MLIP: variants seen among roughly 807,000 people sequenced by gnomAD.
MLIP encodes muscular LMNA interacting protein.
A neutral mutation model predicts 84.8 loss-of-function variants in MLIP; 79 were observed. The ratio of observed to expected loss-of-function variants is 0.93; its 90% CI spans 0.78 to 1.12. The LOEUF (loss-of-function observed/expected upper bound fraction) is 1.12. Among genes scored for constraint, MLIP ranks in the 50% most tolerant of loss-of-function variants. The probability of loss-of-function intolerance (pLI) is 0.00; values close to 1 mark genes in which losing one functional copy is unlikely to be tolerated. For synonymous variants in MLIP, 504 were observed against 463.0 expected (o/e 1.09, Z -1.14); for missense variants, 1,257 against 1,160.6 (o/e 1.08, Z -1.21).
chr6:54,132,684 A>G (rs943308221), intron 3 of MLIP, among the ~76,000 whole-genome samples: 1 of 152,200 alleles, frequency 6.6e-6, no homozygotes, highest in Admixed American at 6.5e-5. Flanking sequence ...ACACAAATCA[A>G]CCAACCAAAA....
At chr6:54,214,303 C>T (rs1402003872) in intron 11 of MLIP, among the ~76,000 whole-genome samples, 1 of 152,192 alleles carries the variant, frequency 6.6e-6, no homozygotes, top group East Asian at 1.9e-4. Context: ...CCATACCAGA[C>T]TAGCCACAGG....
chr6:54,239,180 C>T (rs1463527137), intron 12 of MLIP, among the ~76,000 whole-genome samples: 6 of 151,800 alleles, frequency 4.0e-5, no homozygotes, highest in Admixed American at 2.6e-4. Context: ...TCATCTCCTA[C>T]CTCTCCATTC....
intron 12 of MLIP, among the ~76,000 whole-genome samples, chr6:54,237,665 G>C (rs1341559343): frequency 2.1e-5 from 3 of 141,120 alleles, no homozygotes; most frequent in Non-Finnish European, 3.0e-5. Context: ...GGACGACATA[G>C]GGAGACTGTC....
In MLIP at chr6:54,124,737, A is replaced by G; in HGVS notation, c.517A>G (p.Lys173Glu). ...GATTGGCACCGCAGCTGTCCGGCCCAAGTCTCTAGCTATCTCGTCCAGTCT... is the reference window on the plus strand; with the variant it reads ...GATTGGCACCGCAGCTGTCCGGCCCGAGTCTCTAGCTATCTCGTCCAGTCT... ...GGIGTAAVRP[K>E]SLAISSSLVS... The change falls in exon 3 of 14, where the codon AAG becomes GAG. Residue 173 changes from lysine to glutamate, a missense_variant. Lys to Glu is a moderately conservative substitution (Grantham distance 56). Transcript: ENST00000502396. 1 of 1,614,206 alleles carries G rather than the reference A, an allele frequency of 6.2e-7. No individual in the cohort carries two copies. The highest frequency in any genetic ancestry group is 8.5e-7 in the Non-Finnish European group (1 of 1,180,020).
intron 1 of MLIP, among the ~76,000 whole-genome samples, chr6:54,098,330 C>CT (rs11418224): frequency 0.97 from 112,283 of 116,248 alleles, 54,465 homozygotes; most frequent in Admixed American, 0.98. Flanking sequence ...TTTTTAATTT[C>CT]TTTTTTTTTT....
upstream of MLIP, among the ~76,000 whole-genome samples, chr6:54,110,238 C>A (rs1279408792): frequency 6.6e-6 from 1 of 152,080 alleles, no homozygotes; most frequent in Non-Finnish European, 1.5e-5. Context: ...CCGCCTCGGC[C>A]TCCCAAAGTG....
chr6:54,034,804 A>T (rs896808206), intron 1 of MLIP, among the ~76,000 whole-genome samples: 1 of 152,208 alleles, frequency 6.6e-6, no homozygotes, highest in Non-Finnish European at 1.5e-5. Flanking sequence ...ACAGTAGTGT[A>T]GAGTAATGTC....
chr6:54,048,030 AC>A (rs1343101131), intron 1 of MLIP, among the ~76,000 whole-genome samples: 1 of 152,042 alleles, frequency 6.6e-6, no homozygotes, highest in East Asian at 1.9e-4. Context: ...AGTGCATAGG[AC>A]CCCTCTTTGA....
intron 11 of MLIP, among the ~76,000 whole-genome samples, chr6:54,205,227 C>T (rs1283382337): frequency 1.3e-5 from 2 of 152,222 alleles, no homozygotes; most frequent in Non-Finnish European, 2.9e-5. Context: ...AGCATTGCTA[C>T]TTCATCAGAA....
chr6:54,158,304 A>C lies in MLIP; in HGVS notation c.2290-2063A>C, dbSNP rs1774255149. On this transcript the variant is annotated intron_variant, in intron 5 of 13. Coordinates refer to ENST00000502396, the MANE Select transcript of MLIP (RefSeq NM_001281747.2). Reference sequence around the variant, plus strand: ...GAGAAGGGAACCTGTAATTCTAAAAAGTTATATAATACATGACAATAGAGA... The same window carrying C: ...GAGAAGGGAACCTGTAATTCTAAAACGTTATATAATACATGACAATAGAGA... 2.0e-5 allele frequency among the ~76,000 whole-genome samples: 3 copies of C among 152,260 alleles called. No individual in the cohort carries two copies. The South Asian group carries it at 6.2e-4, about 32-fold the overall frequency.
chr6:54,124,987 T>A (rs1175407181), intron 3 of MLIP, 122 bp downstream of exon 3: 6 of 742,170 alleles, frequency 8.1e-6, no homozygotes, highest in Non-Finnish European at 1.0e-5. Flanking sequence ...AAAATATATT[T>A]AAAAAACCAT....
At chr6:54,187,503 G>T (rs1351200390) in intron 9 of MLIP, among the ~76,000 whole-genome samples, 1 of 151,996 alleles carries the variant, frequency 6.6e-6, no homozygotes, top group East Asian at 1.9e-4. Flanking sequence ...CTTTGAAAAA[G>T]AACCAAGTAA....
At chr6:54,257,501 C>A in intron 13 of MLIP, 140 bp downstream of exon 13, 1 of 616,126 alleles carries the variant, frequency 1.6e-6, no homozygotes, top group Non-Finnish European at 2.8e-6. Context: ...TTCACTCTGT[C>A]AGTCACAAGG....
rs964708740 is a variant in MLIP at position 54,050,628 on chromosome 6, T to C, written c.63+31537T>C. On this transcript the variant is annotated intron_variant, in intron 1 of 12. Coordinates refer to the MLIP transcript ENST00000274897. The stretch of plus-strand genomic sequence containing the variant: ...TCCATTTTTCCTAATATAATCATTG[T>C]TTGATTGCATATCTTTATAGCTAAA... 1.6e-4 allele frequency among the ~76,000 whole-genome samples: 25 copies of C among 152,194 alleles called. 1 individual carries two copies. The highest frequency in any genetic ancestry group is 5.8e-4 in the African/African-American group (24 of 41,464).
At chr6:54,243,390 G>A (rs1156843752) in intron 12 of MLIP, among the ~76,000 whole-genome samples, 1 of 152,116 alleles carries the variant, frequency 6.6e-6, no homozygotes, top group Non-Finnish European at 1.5e-5. Context: ...ATAATGTGAA[G>A]TTAGCATCAA....
intron 11 of MLIP, among the ~76,000 whole-genome samples, chr6:54,204,140 AT>A (rs930236042): frequency 2.0e-5 from 3 of 152,124 alleles, no homozygotes; most frequent in Non-Finnish European, 4.4e-5. Flanking sequence ...TATAAGTCTG[AT>A]TTTTTTAGAA....
intron 11 of MLIP, among the ~76,000 whole-genome samples, chr6:54,210,724 C>G (rs1198201859): frequency 6.1e-5 from 2 of 33,012 alleles, no homozygotes; most frequent in Admixed American, 5.3e-4. Context: ...AAGACTCCAA[C>G]GGAGGGAAAA....
chr6:54,239,418 T>G (rs1014727574), intron 12 of MLIP, among the ~76,000 whole-genome samples: 3 of 145,470 alleles, frequency 2.1e-5, no homozygotes, highest in African/African-American at 8.0e-5. Context: ...CATATATGAA[T>G]AGAAACATTA....
At chr6:54,194,956 T>C (rs1300773311) in intron 10 of MLIP, among the ~76,000 whole-genome samples, 3 of 152,204 alleles carry the variant, frequency 2.0e-5, no homozygotes, top group South Asian at 2.1e-4. Context: ...TTCAAGTATA[T>C]AATAATGTTT....
Sources: gnomAD v4.1 joint callset for allele counts (sites outside exome capture counted in the v4.1 genomes callset) on GRCh38, gnomAD v4.1.1 for gene constraint, MANE v1.5 for transcripts, NCBI Gene and HGNC (gene_info 2026-07-23, HGNC 2026-07-21) for gene names.